Variants in KCNH8 observed in about 807,000 individuals in gnomAD.
The protein encoded by KCNH8 is potassium voltage-gated channel subfamily H member 8.
KCNH8 carries 70 observed loss-of-function variants against 103.6 expected under a neutral mutation model. The ratio of observed to expected loss-of-function variants is 0.68; its 90% CI spans 0.56 to 0.82. The LOEUF is 0.82. Among genes scored for constraint, KCNH8 ranks in the 40% least tolerant of loss-of-function variants. The pLI, the probability that KCNH8 is intolerant of heterozygous loss-of-function variation, is 0.00. For missense variants in KCNH8, 1,217 were observed against 1,329.9 expected, an observed-to-expected ratio of 0.92 and a Z score of 1.32; for synonymous variants, 498 against 489.4, an observed-to-expected ratio of 1.02 and a Z score of -0.23.
chr3:19,171,205 A>T lies in KCNH8; in HGVS notation c.76+22410A>T, dbSNP rs542202849. ...CACTTATATATTTTTTGTAAATTGT[A>T]TATATTTTGTGAGCAATATGAGTAA... On this transcript the variant is annotated intron_variant, in intron 1 of 15. Transcript: ENST00000328405. 4.6e-5 allele frequency among the ~76,000 whole-genome samples: 7 copies of T among 152,272 alleles called. No individual in the cohort carries two copies. The South Asian group carries it at 1.2e-3, about 27-fold the overall frequency.
chr3:19,399,678 TTATCACCACCACC>T (rs1667138324), intron 7 of KCNH8, among the ~76,000 whole-genome samples: 1 of 151,920 alleles, frequency 6.6e-6, no homozygotes, highest in African/African-American at 2.4e-5. Flanking sequence ...ACTGCCAGCA[TTATCACCACCACC>T]TCTGCTCTTA....
chr3:19,184,793 A>G (rs957146493), intron 1 of KCNH8, among the ~76,000 whole-genome samples: 1 of 151,934 alleles, frequency 6.6e-6, no homozygotes, highest in East Asian at 1.9e-4. Flanking sequence ...ATAAAAAATG[A>G]TGTGAAATTA....
chr3:19,182,187 C>T (rs1183504384), intron 1 of KCNH8, among the ~76,000 whole-genome samples: 1 of 152,170 alleles, frequency 6.6e-6, no homozygotes, highest in Non-Finnish European at 1.5e-5. Context: ...AATCTGGGCT[C>T]AGCTGTGTGA....
intron 3 of KCNH8, among the ~76,000 whole-genome samples, chr3:19,310,692 G>GT (rs11414994): frequency 0.76 from 114,992 of 151,670 alleles, 44,295 homozygotes; most frequent in African/African-American, 0.87. Context: ...AAAGGGGTGA[G>GT]TGTTACAATC....
chr3:19,296,459 A>AT (rs1181020687), intron 3 of KCNH8, among the ~76,000 whole-genome samples: 2 of 152,240 alleles, frequency 1.3e-5, no homozygotes, highest in Non-Finnish European at 2.9e-5. Context: ...AATGGTGCTT[A>AT]TGAGCACACT....
At chr3:19,336,394 AT>A (rs975087626) in intron 3 of KCNH8, among the ~76,000 whole-genome samples, 11 of 151,926 alleles carry the variant, frequency 7.2e-5, no homozygotes, top group Admixed American at 7.2e-4. Context: ...CATGACTTCT[AT>A]TTTTTGGAAT....
At chr3:19,513,396 CAGCCTTCTG>C (rs2068821531) in intron 13 of KCNH8, 71 bp downstream of exon 13, 13 of 1,508,062 alleles carry the variant, frequency 8.6e-6, no homozygotes, top group Non-Finnish European at 1.1e-5. Flanking sequence ...TACCTGCCTT[CAGCCTTCTG>C]AGCCTTTCTA....
chr3:19,278,677 T>C (rs2064713346), intron 2 of KCNH8, among the ~76,000 whole-genome samples: 1 of 152,194 alleles, frequency 6.6e-6, no homozygotes, highest in Non-Finnish European at 1.5e-5. Context: ...GCCTAGTTCA[T>C]GTAAAATCAT....
At chr3:19,215,916 A>C (rs2063813831) in intron 1 of KCNH8, among the ~76,000 whole-genome samples, 1 of 152,210 alleles carries the variant, frequency 6.6e-6, no homozygotes, top group African/African-American at 2.4e-5. Context: ...AGTTAGATGA[A>C]ATTATTAGCC....
At chr3:19,469,688 A>G (rs2067815467) in intron 11 of KCNH8, among the ~76,000 whole-genome samples, 1 of 152,026 alleles carries the variant, frequency 6.6e-6, no homozygotes, top group Non-Finnish European at 1.5e-5. Context: ...GAAGGAAGAG[A>G]TCGTGTTTTG....
At chr3:19,290,870 T>A (rs2064910755) in intron 3 of KCNH8, among the ~76,000 whole-genome samples, 1 of 151,802 alleles carries the variant, frequency 6.6e-6, no homozygotes, top group African/African-American at 2.4e-5. Context: ...ATGAATCTGG[T>A]CCTGGACTTT....
At chr3:19,525,294 CA>C in intron 15 of KCNH8, among the ~76,000 whole-genome samples, 1 of 151,882 alleles carries the variant, frequency 6.6e-6, no homozygotes, top group African/African-American at 2.4e-5. Flanking sequence ...GCACTGGCAT[CA>C]ACTTGAGCTT....
At chr3:19,505,671 G>C (rs1278247572) in intron 11 of KCNH8, among the ~76,000 whole-genome samples, 1 of 152,034 alleles carries the variant, frequency 6.6e-6, no homozygotes, top group Non-Finnish European at 1.5e-5. Context: ...TATTTCACTG[G>C]AGTTCTCTGC....
intron 11 of KCNH8, among the ~76,000 whole-genome samples, chr3:19,483,047 T>TA (rs996937388): frequency 8.5e-4 from 129 of 152,162 alleles, no homozygotes; most frequent in African/African-American, 3.0e-3. Context: ...ATTTTTTTTT[T>TA]AATTTTTTAT....
chr3:19,165,717 C>T (rs1471718147), intron 1 of KCNH8, among the ~76,000 whole-genome samples: 1 of 152,132 alleles, frequency 6.6e-6, no homozygotes, highest in Non-Finnish European at 1.5e-5. Context: ...GACTTGTTTT[C>T]TATGTTAGTT....
intron 3 of KCNH8, among the ~76,000 whole-genome samples, chr3:19,335,351 G>T (rs1345053): frequency 6.6e-6 from 1 of 150,978 alleles, no homozygotes; most frequent in African/African-American, 2.4e-5. Flanking sequence ...TTTTCTTTTA[G>T]TGTACTTCTA....
rs147178957 is a variant in KCNH8, at chr3:19,290,947, C to G, written c.442+9618C>G. Among the ~76,000 whole-genome samples the G allele has an allele frequency of 8.5e-5, 13 of 152,286 alleles. No individual in the cohort carries two copies. In the East Asian group the frequency reaches 2.3e-3, roughly 27 times the overall value. ...CCTGTTATTGGTCTATTCAGAGATT[C>G]AACTTCTTCCTGGTTTAGTTTTGGG... On this transcript the variant is annotated intron_variant, in intron 3 of 15. Transcript: ENST00000328405.
At chr3:19,377,511 A>T (rs1267738765) in intron 5 of KCNH8, among the ~76,000 whole-genome samples, 6 of 152,326 alleles carry the variant, frequency 3.9e-5, no homozygotes, top group South Asian at 4.1e-4. Flanking sequence ...TTTTTCCTGA[A>T]GTTCAAAGTT....
chr3:19,292,332 A>G (rs1575501642), intron 3 of KCNH8, among the ~76,000 whole-genome samples: 1 of 152,122 alleles, frequency 6.6e-6, no homozygotes, highest in Non-Finnish European at 1.5e-5. Context: ...AGCTTTTCAC[A>G]TTATCTTTAG....
Sources: allele counts gnomAD v4.1 joint callset (sites outside exome capture counted in the v4.1 genomes callset), GRCh38; gene constraint gnomAD v4.1.1; transcripts MANE v1.5; gene names NCBI Gene and HGNC (gene_info 2026-07-23, HGNC 2026-07-21).